The following ARAP1 variants were observed in gnomAD, a reference collection of about 807,000 sequenced individuals.
ARAP1 encodes ArfGAP with RhoGAP domain, ankyrin repeat and PH domain 1, also known as arf-GAP with Rho-GAP domain, ANK repeat and PH domain-containing protein 1.
Under a neutral mutation model 172.2 loss-of-function variants are expected in ARAP1, and 76 were observed. That is an observed-to-expected ratio of 0.44 (90% CI 0.37 to 0.53). The LOEUF is 0.53. ARAP1 is among the 20% of genes least tolerant of loss of function. The probability of loss-of-function intolerance (pLI) is 0.00; values close to 1 mark genes in which losing one functional copy is unlikely to be tolerated. For synonymous variants in ARAP1, 804 were observed against 803.3 expected, an observed-to-expected ratio of 1.00 and a Z score of -0.01; for missense variants, 1,686 against 1,977.5, an observed-to-expected ratio of 0.85 and a Z score of 2.80.
At chr11:72,700,366 A>G (rs1856426655) in intron 16 of ARAP1, 1 of 152,446 alleles carries the variant, frequency 6.6e-6, no homozygotes, top group African/African-American at 2.4e-5. Context: ...GTAGGAAAGC[A>G]TGCAGGAGGT....
In ARAP1 at chr11:72,727,092, C is replaced by T. The variant is rs748596699; in HGVS notation, c.37G>A (p.Glu13Lys). 14 of 1,596,218 alleles carry T rather than the reference C, an allele frequency of 8.8e-6. No individual in the cohort carries two copies. The highest frequency in any genetic ancestry group is 5.0e-5 in the Admixed American group (3 of 59,618). The change falls in exon 3 of 35, where the codon GAG (glutamate) becomes AAG (lysine). Residue 13 changes from glutamate to lysine, a missense_variant. Coordinates refer to ENST00000393609, the MANE Select transcript of ARAP1 (RefSeq NM_001040118.3). Reference sequence around the variant, plus strand: ...TCCAGGTGCAATGCCCGCAGCCACTCGGCCACCGATAGCGCAGCATCCCCA... The same window carrying T: ...TCCAGGTGCAATGCCCGCAGCCACTTGGCCACCGATAGCGCAGCATCCCCA... ...EAGDAALSVA[E>K]WLRALHLEQY... is the part of the protein sequence containing the mutation.
At position 72,711,157 on chromosome 11, in the gene ARAP1, G is replaced by A; in HGVS notation, c.1093-16C>T. 2.5e-6 allele frequency: 4 copies of A among 1,613,962 alleles called. No individual in the cohort carries two copies. The highest frequency in any genetic ancestry group is 2.2e-5 in the East Asian group (1 of 44,872). On this transcript the variant is annotated splice_polypyrimidine_tract_variant and intron_variant, in intron 8 of 34. Coordinates refer to ENST00000393609, the MANE Select transcript of ARAP1 (RefSeq NM_001040118.3). ...AGTAAGCGTCCTGGGGGAGAGACAG[G>A]AACTATATTTTGGGACCCAGCACCT... is the stretch of plus-strand genomic sequence containing the variant.
rs1292807730 is a variant in ARAP1 at position 72,704,142 on chromosome 11, G to A, written c.1992+10C>T. On this transcript the variant is annotated intron_variant, in intron 14 of 34. Coordinates refer to ENST00000393609, the MANE Select transcript of ARAP1 (RefSeq NM_001040118.3). ...GGTCCCAAGGGGCCCCAGAGCTGCA[G>A]TGCCCTGACCTTGTCCAGCTCCTCC... is the stretch of plus-strand genomic sequence containing the variant. The A allele has an allele frequency of 6.2e-7, 1 of 1,614,064 alleles. No homozygotes were observed. The highest frequency in any genetic ancestry group is 8.5e-7 in the Non-Finnish European group (1 of 1,179,984).
intron 15 of ARAP1, 45 bp downstream of exon 15, chr11:72,702,860 A>C: frequency 6.5e-7 from 1 of 1,544,848 alleles, no homozygotes; most frequent in Non-Finnish European, 8.7e-7. Flanking sequence ...AAACCCCACC[A>C]GGCACTGCAC....
chr11:72,685,961 G>T (rs1182305621), intron 34 of ARAP1, 81 bp downstream of exon 34: 1 of 1,609,842 alleles, frequency 6.2e-7, no homozygotes, highest in Non-Finnish European at 8.5e-7. Flanking sequence ...GGCAATCAGG[G>T]CAATCATCTA....
At chr11:72,688,598 TC>T (rs1855792644) in intron 30 of ARAP1, 61 bp from the exon 31 acceptor site, 1 of 1,434,912 alleles carries the variant, frequency 7.0e-7, no homozygotes, top group Non-Finnish European at 9.7e-7. Flanking sequence ...GGGGCCGCTC[TC>T]CCGACTGGGC....
intron 5 of ARAP1, 141 bp downstream of exon 5, chr11:72,713,034 TG>T: frequency 1.1e-6 from 1 of 888,312 alleles, no homozygotes. Flanking sequence ...GACCCCCGTA[TG>T]GCAAGAGAGT....
At chr11:72,713,763 C>T (rs1030469922) in intron 4 of ARAP1, among the ~76,000 whole-genome samples, 2 of 150,598 alleles carry the variant, frequency 1.3e-5, no homozygotes, top group Admixed American at 6.7e-5. Context: ...AGGAGAAGGG[C>T]GTGAACCCAG....
chr11:72,728,372 A>G (rs758030878), intron 2 of ARAP1, among the ~76,000 whole-genome samples: 1 of 152,182 alleles, frequency 6.6e-6, no homozygotes, highest in Non-Finnish European at 1.5e-5. Context: ...CCTGAGCTCA[A>G]GAGTTTCAGA....
At chr11:72,738,509 G>A (rs1858102994) in intron 1 of ARAP1, among the ~76,000 whole-genome samples, 2 of 152,032 alleles carry the variant, frequency 1.3e-5, no homozygotes, top group South Asian at 2.1e-4. Flanking sequence ...AGCCCTATGG[G>A]GAGCAAGGAG....
chr11:72,693,217 T>G lies in ARAP1; in HGVS notation c.3954+108A>C, dbSNP rs775870309. ...GTTCTCCCCCACTGCTGTGCCATCC[T>G]GAGAGCCTGTAACGGGAATATTTCC... is the stretch of plus-strand genomic sequence containing the variant. On this transcript the variant is annotated intron_variant, in intron 29 of 34. Coordinates refer to ENST00000393609, the MANE Select transcript of ARAP1 (RefSeq NM_001040118.3). The surrounding 1 kb of genome is among the most constrained non-coding windows in gnomAD (Gnocchi z 4.6). 1.3e-5 allele frequency: 19 copies of G among 1,476,254 alleles called. No homozygotes were observed. The highest frequency in any genetic ancestry group is 1.7e-5 in the Non-Finnish European group (19 of 1,091,432). 91.4% of individuals were successfully genotyped at this position (1,476,254 alleles called of 1,614,324 possible).
intron 1 of ARAP1, among the ~76,000 whole-genome samples, chr11:72,746,444 G>A (rs1450993700): frequency 6.6e-6 from 1 of 152,222 alleles, no homozygotes; most frequent in Non-Finnish European, 1.5e-5. Context: ...CTGAAGCACG[G>A]CACATGCCCC....
chr11:72,735,565 C>T (rs567536438), intron 1 of ARAP1, among the ~76,000 whole-genome samples: 1 of 152,230 alleles, frequency 6.6e-6, no homozygotes, highest in East Asian at 1.9e-4. Context: ...CATTGCACTC[C>T]AGCCTGGGCG....
intron 2 of ARAP1, among the ~76,000 whole-genome samples, chr11:72,728,384 C>G (rs190093544): frequency 6.6e-6 from 1 of 152,114 alleles, no homozygotes; most frequent in Non-Finnish European, 1.5e-5. Flanking sequence ...AGTTTCAGAC[C>G]AGCCTGGGCA....
chr11:72,709,186 C>T (rs756325826), intron 11 of ARAP1, among the ~76,000 whole-genome samples: 5 of 152,172 alleles, frequency 3.3e-5, no homozygotes, highest in Non-Finnish European at 7.3e-5. Flanking sequence ...AGAAAGATCC[C>T]GCTGGAGACA....
intron 16 of ARAP1, chr11:72,700,686 G>T (rs1177455232): frequency 6.6e-6 from 1 of 152,272 alleles, no homozygotes; most frequent in African/African-American, 2.4e-5. Flanking sequence ...ATGGACAAAT[G>T]AGTACCAGGT....
intron 27 of ARAP1, among the ~76,000 whole-genome samples, chr11:72,694,312 C>A (rs1450819700): frequency 6.6e-6 from 1 of 151,860 alleles, no homozygotes; most frequent in Non-Finnish European, 1.5e-5. Flanking sequence ...CATTCACTAG[C>A]CCTCCGATGG....
intron 1 of ARAP1, among the ~76,000 whole-genome samples, chr11:72,746,343 G>A (rs1381442085): frequency 2.0e-5 from 3 of 152,148 alleles, no homozygotes; most frequent in Non-Finnish European, 4.4e-5. Context: ...TAGATGCAGG[G>A]AGCACCCGGC....
intron 1 of ARAP1, among the ~76,000 whole-genome samples, chr11:72,744,913 T>TCCGAGA (rs1858307155): frequency 6.6e-6 from 1 of 152,134 alleles, no homozygotes; most frequent in Non-Finnish European, 1.5e-5. Flanking sequence ...AGCATGTCCA[T>TCCGAGA]CTTTAGAGCC....
Sources: allele counts gnomAD v4.1 joint callset (sites outside exome capture counted in the v4.1 genomes callset), GRCh38; gene constraint gnomAD v4.1.1; non-coding constraint Gnocchi (gnomAD v3.1); transcripts MANE v1.5; gene names NCBI Gene and HGNC (gene_info 2026-07-23, HGNC 2026-07-21).